Variants in GALNS observed in about 807,000 individuals in gnomAD.
GALNS encodes the protein N-acetylgalactosamine-6-sulfatase.
In GALNS, 65 loss-of-function variants were observed where a neutral mutation model predicts 65.9. That is an observed-to-expected ratio of 0.99 (90% CI 0.81 to 1.21). The LOEUF (loss-of-function observed/expected upper bound fraction) is 1.21. Among genes scored for constraint, GALNS ranks in the 50% most tolerant of loss-of-function variants. The pLI is 0.00. For missense variants in GALNS, 776 were observed against 700.7 expected (o/e 1.11, Z -1.21); for synonymous variants, 346 against 288.9 (o/e 1.20, Z -2.00).
chr16:88,817,271 C>T, intron 13 of GALNS: 1 of 985,422 alleles, frequency 1.0e-6, no homozygotes, highest in South Asian at 4.7e-5. Context: ...TCCTTTGTGG[C>T]CTGAACACAG....
At chr16:88,851,075 T>C (rs936831093) in intron 1 of GALNS, among the ~76,000 whole-genome samples, 1 of 152,146 alleles carries the variant, frequency 6.6e-6, no homozygotes, top group Non-Finnish European at 1.5e-5. Flanking sequence ...CTGCTGACCC[T>C]GTTCTTTCAT....
intron 4 of GALNS, among the ~76,000 whole-genome samples, chr16:88,840,044 C>T (rs1043289746): frequency 1.3e-5 from 2 of 152,226 alleles, no homozygotes; most frequent in South Asian, 2.1e-4. Flanking sequence ...ATGCAGGCTG[C>T]GTGGGGCCCA....
intron 10 of GALNS, among the ~76,000 whole-genome samples, chr16:88,825,294 T>TG (rs1910738506): frequency 1.2e-5 from 1 of 86,218 alleles, no homozygotes; most frequent in Non-Finnish European, 2.1e-5. Context: ...GGGGCTGGGG[T>TG]GCCTGGGTGG....
intron 8 of GALNS, 54 bp from the exon 9 acceptor site, chr16:88,832,155 C>T: frequency 2.1e-6 from 3 of 1,436,978 alleles, no homozygotes; most frequent in South Asian, 2.4e-5. Context: ...CCCAGGCCCT[C>T]CCCCTCCCTC....
chr16:88,834,852 G>T (rs929255593), intron 8 of GALNS, among the ~76,000 whole-genome samples: 1 of 152,120 alleles, frequency 6.6e-6, no homozygotes, highest in Non-Finnish European at 1.5e-5. Flanking sequence ...CGGGGTCTGG[G>T]GTGCCGGCCC....
At chr16:88,842,671 A>G in intron 2 of GALNS, 35 bp downstream of exon 2, 1 of 1,609,276 alleles carries the variant, frequency 6.2e-7, no homozygotes, top group Non-Finnish European at 8.5e-7. Context: ...TGTTGGGCTC[A>G]CCCCTTCCTG....
At chr16:88,824,713 G>T in intron 11 of GALNS, 54 bp downstream of exon 11, 1 of 1,491,006 alleles carries the variant, frequency 6.7e-7, no homozygotes, top group Non-Finnish European at 9.3e-7. Flanking sequence ...CAGGGGCCAC[G>T]TCTGGATAGA....
At position 88,841,069 on chromosome 16, in the gene GALNS, G is replaced by A. The variant is rs775206026; in HGVS notation, c.345C>T (p.Gly115=). 6 of 1,612,962 alleles carry A rather than the reference G, an allele frequency of 3.7e-6. No individual in the cohort carries two copies. The African/African-American group carries it at 4.0e-5, about 11-fold the overall frequency. ...RNAYTPQEIV[G]GIPDSEQLLP... Reference sequence around the variant, plus strand: ...GGAGCTGCTCCGAGTCTGGGATGCCGCCCACAATCTCCTGCGGTGTGTAGG... The same window carrying A: ...GGAGCTGCTCCGAGTCTGGGATGCCACCCACAATCTCCTGCGGTGTGTAGG... The change falls in exon 4 of 14, where the codon GGC becomes GGT. Residue 115 remains glycine, a synonymous_variant. Transcript: ENST00000268695.
At chr16:88,850,999 C>T (rs961222509) in intron 1 of GALNS, among the ~76,000 whole-genome samples, 1 of 152,218 alleles carries the variant, frequency 6.6e-6, no homozygotes, top group Non-Finnish European at 1.5e-5. Context: ...TCTGACCAGC[C>T]GAGGGCAACG....
intron 1 of GALNS, among the ~76,000 whole-genome samples, chr16:88,851,918 C>G (rs1967526231): frequency 6.6e-6 from 1 of 152,278 alleles, no homozygotes; most frequent in South Asian, 2.1e-4. Flanking sequence ...TAGACCCCAC[C>G]TCTAGGAGCA....
intron 12 of GALNS, among the ~76,000 whole-genome samples, chr16:88,820,704 G>C (rs1271322246): frequency 6.6e-6 from 1 of 152,218 alleles, no homozygotes; most frequent in Non-Finnish European, 1.5e-5. Flanking sequence ...GGCCTGGCTG[G>C]AGGGGCTCCA....
intron 4 of GALNS, among the ~76,000 whole-genome samples, chr16:88,839,582 A>G (rs1219800738): frequency 6.6e-6 from 1 of 152,210 alleles, no homozygotes; most frequent in Non-Finnish European, 1.5e-5. Flanking sequence ...GGGAAGTCTG[A>G]GTCATGGCTG....
chr16:88,856,459 G>T (rs1967891118), intron 1 of GALNS: 1 of 700,422 alleles, frequency 1.4e-6, no homozygotes, highest in Admixed American at 2.0e-5. Context: ...ACCTGCCAGG[G>T]AGGACGCTGT....
At chr16:88,825,996 G>C (rs1406017717) in intron 10 of GALNS, among the ~76,000 whole-genome samples, 1 of 152,300 alleles carries the variant, frequency 6.6e-6, no homozygotes, top group East Asian at 1.9e-4. Flanking sequence ...CAGGGGGTAG[G>C]AAATGGACTT....
chr16:88,832,493 T>C (rs3889834), intron 8 of GALNS, among the ~76,000 whole-genome samples: 34,679 of 152,018 alleles, frequency 0.23, 4,802 homozygotes, highest in East Asian at 0.63. Flanking sequence ...ACTTCTGGCC[T>C]CCCCATGGTT....
intron 1 of GALNS, among the ~76,000 whole-genome samples, chr16:88,847,179 T>C (rs998678944): frequency 6.6e-6 from 1 of 152,100 alleles, no homozygotes; most frequent in Admixed American, 6.6e-5. Flanking sequence ...TTGACCAGCC[T>C]GGGCAACAAG....
intron 13 of GALNS, among the ~76,000 whole-genome samples, chr16:88,817,643 G>A (rs1213666894): frequency 1.3e-5 from 2 of 152,214 alleles, no homozygotes; most frequent in Non-Finnish European, 2.9e-5. Context: ...GCCCGTGTGG[G>A]AGTCGAGGAC....
intron 1 of GALNS, among the ~76,000 whole-genome samples, chr16:88,853,945 T>G (rs58622608): frequency 1.3e-5 from 2 of 152,184 alleles, no homozygotes; most frequent in African/African-American, 4.8e-5. Context: ...CGGGTCAGTG[T>G]GACCAGTTGG....
At position 88,837,734 on chromosome 16, in the gene GALNS, G is replaced by T; in HGVS notation, c.454C>A (p.Leu152Met). ...HLGHRPQFHP[L>M]KHGFDEWFGS... The stretch of plus-strand genomic sequence containing the variant: ...AACCACTCATCAAATCCGTGCTTCA[G>T]GGGGTGGAACTGGGGCCTGTGACCC... Residue 152 changes from leucine to methionine, a missense_variant, in exon 5 of 14, where the codon CTG becomes ATG. Leu to Met is a conservative substitution (Grantham distance 15). Transcript: ENST00000268695. The T allele has an allele frequency of 6.2e-7, 1 of 1,614,018 alleles. No homozygotes were observed. Among genetic ancestry groups the T allele is most frequent in the Non-Finnish European group, 8.5e-7 (1 of 1,180,016 alleles).
Sources: gnomAD v4.1 joint callset for allele counts (sites outside exome capture counted in the v4.1 genomes callset) on GRCh38, gnomAD v4.1.1 for gene constraint, MANE v1.5 for transcripts, NCBI Gene and HGNC (gene_info 2026-07-23, HGNC 2026-07-21) for gene names.